The following TTI1 variants were observed in gnomAD, a reference collection of about 807,000 sequenced individuals.
TTI1 encodes the protein TELO2-interacting protein 1 homolog.
A neutral mutation model predicts 85.4 loss-of-function variants in TTI1; 52 were observed. The observed-to-expected ratio is 0.61, with a 90% CI of 0.49 to 0.77. TTI1 has a LOEUF of 0.77. TTI1 is among the 30% of genes least tolerant of loss of function. TTI1 has a pLI of 0.00. For missense variants in TTI1, 1,173 were observed against 1,296.0 expected (o/e 0.91, Z 1.46); for synonymous variants, 512 against 503.9 (o/e 1.02, Z -0.22).
rs755328386 is a variant in TTI1, at chr20:38,012,657, C to G, written c.1160G>C (p.Arg387Pro). Reference sequence around the variant, plus strand: ...CTGGTCATCTTGGGAGTTCATTAGGCGAGGAAGAGATGTGGCAAGGGAATG... The same window carrying G: ...CTGGTCATCTTGGGAGTTCATTAGGGGAGGAAGAGATGTGGCAAGGGAATG... ...SLHSLATSLPRLMNSQDDQGK... is the reference protein window; with the variant it reads ...SLHSLATSLPPLMNSQDDQGK... Residue 387 changes from arginine (R) to proline (P), a missense_variant, in exon 2 of 8, where the codon CGC (arginine) becomes CCC (proline). Arg to Pro is a moderately radical substitution (Grantham distance 103). Coordinates refer to ENST00000373447, the MANE Select transcript of TTI1 (RefSeq NM_001303457.2). 4 of 1,614,094 alleles carry G rather than the reference C, an allele frequency of 2.5e-6. No homozygotes were observed.
At position 37,983,373 on chromosome 20, in the gene TTI1, C is replaced by A; in HGVS notation, c.*83G>T. ...TCACCTTCTCTGCTGCCGCTGCCAC[C>A]GCCTATGGCCGGGGTGGGGTCAGCC... On this transcript the variant is annotated 3_prime_UTR_variant, in exon 8 of 8. Coordinates refer to ENST00000373447, the MANE Select transcript of TTI1 (RefSeq NM_001303457.2). The A allele has an allele frequency of 1.4e-6, 2 of 1,425,044 alleles. No individual in the cohort carries two copies. Among genetic ancestry groups the A allele is most frequent in the East Asian group, 2.5e-5 (1 of 40,474 alleles). 88.3% of individuals were successfully genotyped at this position (1,425,044 alleles called of 1,614,324 possible).
chr20:38,000,359 A>G (rs962623790), intron 4 of TTI1: 4 of 153,004 alleles, frequency 2.6e-5, no homozygotes, highest in African/African-American at 1.0e-4. Context: ...ATATAAACTG[A>G]TATTTTACCT....
chr20:38,022,104 A>G (rs969240382), intron 1 of TTI1, among the ~76,000 whole-genome samples: 1 of 152,226 alleles, frequency 6.6e-6, no homozygotes, highest in African/African-American at 2.4e-5. Flanking sequence ...GAGAAAAGTC[A>G]TAGCACCTAA....
intron 1 of TTI1, among the ~76,000 whole-genome samples, chr20:38,029,135 G>C (rs1287599130): frequency 6.6e-6 from 1 of 152,060 alleles, no homozygotes; most frequent in Non-Finnish European, 1.5e-5. Context: ...AATCAAGCTT[G>C]AAATCACTAA....
chr20:38,025,997 T>C (rs1034111547), intron 1 of TTI1, among the ~76,000 whole-genome samples: 2 of 152,132 alleles, frequency 1.3e-5, no homozygotes, highest in African/African-American at 4.8e-5. Flanking sequence ...AAATAATGGC[T>C]GAAAACGCCA....
At chr20:38,020,629 A>G (rs2073757381) in intron 1 of TTI1, among the ~76,000 whole-genome samples, 1 of 152,074 alleles carries the variant, frequency 6.6e-6, no homozygotes, top group South Asian at 2.1e-4. Context: ...TATAATATAC[A>G]AAAGATTTTT....
chr20:37,983,188 A>C lies in TTI1; in HGVS notation c.*268T>G, dbSNP rs1055931495. 2.7e-6 allele frequency: 1 copy of C among 365,538 alleles called. No individual in the cohort carries two copies. The highest frequency in any genetic ancestry group is 5.1e-6 in the Non-Finnish European group (1 of 195,500). 22.6% of individuals were successfully genotyped at this position (365,538 alleles called of 1,614,324 possible). ...TGTGGCCTGTGAGGGAGCTGGGGCT[A>C]TAGAGATGGTAGGCTAAGGGGTTAA... On this transcript the variant is annotated 3_prime_UTR_variant, in exon 8 of 8. Coordinates refer to ENST00000373447, the MANE Select transcript of TTI1 (RefSeq NM_001303457.2).
rs768792664 is a variant in TTI1 at position 38,011,884 on chromosome 20, A to T, written c.1933T>A (p.Phe645Ile). 17 of 1,614,278 alleles carry T rather than the reference A, an allele frequency of 1.1e-5. No homozygotes were observed. The South Asian group carries it at 1.9e-4, about 18-fold the overall frequency. ...AGGGCTGACATCAAGAGCAAACAGA[A>T]GTCTTTTCCTAGTGCATATGCAAAC... is the stretch of plus-strand genomic sequence containing the variant. ...GQFAYALGKD[F>I]CLLLMSALYP... is the part of the protein sequence containing the mutation. Residue 645 changes from phenylalanine (F) to isoleucine (I), a missense_variant, in exon 2 of 8, where the codon TTC becomes ATC. Phe to Ile is a conservative substitution (Grantham distance 21). Coordinates refer to ENST00000373447, the MANE Select transcript of TTI1 (RefSeq NM_001303457.2).
chr20:37,989,813 C>G (rs1394637543), intron 7 of TTI1, among the ~76,000 whole-genome samples: 1 of 152,250 alleles, frequency 6.6e-6, no homozygotes, highest in Non-Finnish European at 1.5e-5. Context: ...AACCTGTGCT[C>G]TGGCACTAAG....
intron 1 of TTI1, among the ~76,000 whole-genome samples, chr20:38,015,786 C>T (rs1309218873): frequency 6.6e-6 from 1 of 152,064 alleles, no homozygotes; most frequent in African/African-American, 2.4e-5. Flanking sequence ...AATTAGTGGC[C>T]TAGTAGATCA....
intron 2 of TTI1, among the ~76,000 whole-genome samples, chr20:38,009,814 A>G (rs534538522): frequency 6.6e-6 from 1 of 152,252 alleles, no homozygotes; most frequent in Admixed American, 6.5e-5. Flanking sequence ...GAATGTTCTT[A>G]AAAATAAATG....
At chr20:38,014,951 T>C (rs972821522) in intron 1 of TTI1, among the ~76,000 whole-genome samples, 2 of 152,086 alleles carry the variant, frequency 1.3e-5, no homozygotes, top group African/African-American at 2.4e-5. Flanking sequence ...TTGGAGACCA[T>C]AAATGTGTAT....
rs1396093042 is a variant in TTI1 at position 37,999,069 on chromosome 20, TTC to T, written c.2793+117_2793+118del. On this transcript the variant is annotated intron_variant, in intron 5 of 7. Transcript: ENST00000373447. ...TGTGCTTTTCTTATGTTTCTATACT[TTC>T]TTCACAGTATGTGACATTGCAATCG... 3 of 1,133,210 alleles carry T rather than the reference TTC, an allele frequency of 2.6e-6. No individual in the cohort carries two copies. The African/African-American group carries it at 4.8e-5, about 18-fold the overall frequency. The allele number at this position is 1,133,210 out of a possible 1,614,324, so 70.2% of individuals were successfully genotyped here.
At chr20:38,009,652 C>T (rs1468539608) in intron 2 of TTI1, among the ~76,000 whole-genome samples, 6 of 151,968 alleles carry the variant, frequency 3.9e-5, no homozygotes, top group Non-Finnish European at 7.4e-5. Flanking sequence ...AGGCATGTAC[C>T]GCCACTCCCA....
At chr20:38,006,083 T>C (rs746063151) in intron 3 of TTI1, 114 bp downstream of exon 3, 25 of 1,175,498 alleles carry the variant, frequency 2.1e-5, no homozygotes, top group South Asian at 4.3e-5. Context: ...GTTAGCCTGG[T>C]AAGGTTATGA....
At position 38,012,060 on chromosome 20, in the gene TTI1, A is replaced by G; in HGVS notation, c.1757T>C (p.Met586Thr). ...LETEEMGEEL[M>T]MEHPGLQAIT... ...GGCTTGGAGGCCTGGGTGCTCCATC[A>G]TCAGCTCCTCTCCCATTTCCTCAGT... Residue 586 changes from methionine (M) to threonine (T), a missense_variant, in exon 2 of 8, where the codon ATG becomes ACG. Transcript: ENST00000373447. 6.2e-7 allele frequency: 1 copy of G among 1,614,186 alleles called. No individual in the cohort carries two copies.
chr20:38,002,564 T>G, intron 4 of TTI1, 64 bp downstream of exon 4: 1 of 1,591,292 alleles, frequency 6.3e-7, no homozygotes, highest in Non-Finnish European at 8.6e-7. Context: ...GTGTAGCCAC[T>G]GCCAACCAGG....
In TTI1 at chr20:38,006,310, G is replaced by A. The variant is rs964343920; in HGVS notation, c.2390C>T (p.Ala797Val). ...EEGSHLNQRP[A>V]ALEKSTTTAE... ...TGTGGTGGTGCTCTTCTCAAGAGCTGCTGGTCTTTGGTTCAAATGACTTCC... is the reference window on the plus strand; with the variant it reads ...TGTGGTGGTGCTCTTCTCAAGAGCTACTGGTCTTTGGTTCAAATGACTTCC... The change falls in exon 3 of 8, where the codon GCA becomes GTA. Residue 797 changes from alanine to valine, a missense_variant. Ala to Val is a moderately conservative substitution (Grantham distance 64). Coordinates refer to ENST00000373447, the MANE Select transcript of TTI1 (RefSeq NM_001303457.2). 1.2e-6 allele frequency: 2 copies of A among 1,614,088 alleles called. No individual in the cohort carries two copies. The highest frequency in any genetic ancestry group is 2.7e-5 in the African/African-American group (2 of 74,944).
rs1241046857 is a variant in TTI1 at position 37,996,833 on chromosome 20, G to A, written c.2914C>T (p.Pro972Ser). 1.9e-6 allele frequency: 3 copies of A among 1,614,146 alleles called. No homozygotes were observed. Among genetic ancestry groups the A allele is most frequent in the East Asian group, 2.2e-5 (1 of 44,870 alleles). The stretch of plus-strand genomic sequence containing the variant: ...AAGGCCAGCGTGTGCGAGTAAACTG[G>A]TCCAGCCCTGGCACTGATGGGGGCC... ...TQAPISARAG[P>S]VYSHTLAFKL... Residue 972 changes from proline (P) to serine (S), a missense_variant, in exon 6 of 8, where the codon CCA becomes TCA. Pro to Ser is a moderately conservative substitution (Grantham distance 74). Transcript: ENST00000373447.
Sources: allele counts gnomAD v4.1 joint callset (sites outside exome capture counted in the v4.1 genomes callset), GRCh38; gene constraint gnomAD v4.1.1; transcripts MANE v1.5; gene names NCBI Gene and HGNC (gene_info 2026-07-23, HGNC 2026-07-21).